Variants in SAMMSON observed in about 807,000 individuals in gnomAD.
SAMMSON encodes survival associated mitochondrial melanoma specific oncogenic non-coding RNA.
intron 9 of SAMMSON, among the ~76,000 whole-genome samples, chr3:70,368,749 C>CA (rs1702940904): frequency 6.6e-6 from 1 of 151,588 alleles, no homozygotes; most frequent in Non-Finnish European, 1.5e-5. Context: ...TCACCAACAC[C>CA]ACACTGTCTT....
intron 7 of SAMMSON, among the ~76,000 whole-genome samples, chr3:70,326,100 T>C (rs1702579175): frequency 6.6e-6 from 1 of 152,098 alleles, no homozygotes; most frequent in Non-Finnish European, 1.5e-5. Flanking sequence ...CTTTGGGGAA[T>C]TTCTATTCTC....
intron 3 of SAMMSON, among the ~76,000 whole-genome samples, chr3:70,017,434 G>T (rs2066990984): frequency 2.0e-5 from 3 of 152,166 alleles, no homozygotes; most frequent in South Asian, 4.2e-4. Flanking sequence ...CATTGAATTT[G>T]TATCCTGAGA....
chr3:70,411,786 G>A (rs1701221542), intron 2 of SAMMSON, among the ~76,000 whole-genome samples: 1 of 152,154 alleles, frequency 6.6e-6, no homozygotes, highest in Admixed American at 6.5e-5. Flanking sequence ...TGCTATGATT[G>A]TGAGGTCTCC....
chr3:70,406,360 TAGGTTTTA>T (rs1701177815), intron 2 of SAMMSON, among the ~76,000 whole-genome samples: 1 of 152,216 alleles, frequency 6.6e-6, no homozygotes, highest in Non-Finnish European at 1.5e-5. Flanking sequence ...GAAAGTACTA[TAGGTTTTA>T]GACAAAATCT....
intron 4 of SAMMSON, among the ~76,000 whole-genome samples, chr3:70,231,351 C>T (rs1056257398): frequency 2.6e-5 from 4 of 152,330 alleles, no homozygotes; most frequent in South Asian, 4.1e-4. Context: ...CGCCATCTCT[C>T]TCTGGGATCA....
intron 4 of SAMMSON, among the ~76,000 whole-genome samples, chr3:70,093,634 G>A (rs551663919): frequency 2.0e-5 from 3 of 152,194 alleles, no homozygotes; most frequent in Non-Finnish European, 1.5e-5. Context: ...ACAAGGGTGG[G>A]GTTTGGGTAT....
At chr3:70,183,354 C>G (rs1290765585) in intron 4 of SAMMSON, 1 of 152,082 alleles carries the variant, frequency 6.6e-6, no homozygotes, top group South Asian at 2.1e-4. Flanking sequence ...CTCAGTGGCT[C>G]GTGTGGAATG....
intron 4 of SAMMSON, among the ~76,000 whole-genome samples, chr3:70,185,195 G>A (rs904217683): frequency 2.0e-5 from 3 of 152,144 alleles, no homozygotes; most frequent in African/African-American, 2.4e-5. Flanking sequence ...ACAGAACACG[G>A]ATCTACTCCC....
chr3:70,420,199 C>T (rs1442217022), intron 2 of SAMMSON, among the ~76,000 whole-genome samples: 1 of 152,102 alleles, frequency 6.6e-6, no homozygotes, highest in Non-Finnish European at 1.5e-5. Context: ...CTCTTAGGTA[C>T]CTGGTGGGTT....
intron 6 of SAMMSON, among the ~76,000 whole-genome samples, chr3:70,281,333 C>T (rs1341841019): frequency 6.6e-6 from 1 of 152,130 alleles, no homozygotes; most frequent in Non-Finnish European, 1.5e-5. Context: ...TGATCTTATC[C>T]ATTCTCTCTC....
chr3:70,094,308 T>C (rs902710), intron 4 of SAMMSON, among the ~76,000 whole-genome samples: 20,121 of 152,144 alleles, frequency 0.13, 1,762 homozygotes, highest in African/African-American at 0.24. Flanking sequence ...ACATCTATTA[T>C]TGACTCCTTC....
At chr3:70,149,409 T>C (rs2067562542) in intron 4 of SAMMSON, among the ~76,000 whole-genome samples, 1 of 152,054 alleles carries the variant, frequency 6.6e-6, no homozygotes, top group South Asian at 2.1e-4. Flanking sequence ...TGTTTGAGCC[T>C]GTGGTTCTTA....
chr3:70,008,197 C>T (rs1379235005), intron 1 of SAMMSON, among the ~76,000 whole-genome samples: 1 of 152,096 alleles, frequency 6.6e-6, no homozygotes, highest in African/African-American at 2.4e-5. Flanking sequence ...TCATCGGTAG[C>T]TTGATGGGGA....
chr3:70,139,937 C>A (rs149855969), intron 4 of SAMMSON, among the ~76,000 whole-genome samples: 2 of 152,272 alleles, frequency 1.3e-5, no homozygotes, highest in African/African-American at 4.8e-5. Flanking sequence ...TTTGGTCACA[C>A]CCTTCATGTT....
Position 70,302,482 on chromosome 3 carries a change from C to T in SAMMSON, n.739+11239C>T, listed in dbSNP as rs190702355. 2.6e-5 allele frequency: 4 copies of T among 152,160 alleles called. No individual in the cohort carries two copies. In the East Asian group the frequency reaches 7.7e-4, roughly 29 times the overall value. The allele number at this position is 152,160 out of a possible 1,614,324, so 9.4% of individuals were successfully genotyped here. A position where few individuals can be genotyped will look rare whatever the true frequency, so the allele number is the denominator to read the frequency against. On this transcript the variant is annotated intron_variant and non_coding_transcript_variant, in intron 7 of 9. Coordinates refer to ENST00000642114, the Ensembl canonical transcript of SAMMSON. ...TCTCACTATAAGACTGCTCTTTATA[C>T]TAATGTTGATTAAGTGTATCACATC...
chr3:70,416,114 A>T (rs1701262657), intron 2 of SAMMSON, among the ~76,000 whole-genome samples: 1 of 152,220 alleles, frequency 6.6e-6, no homozygotes, highest in Non-Finnish European at 1.5e-5. Flanking sequence ...CATTGGGACA[A>T]TCATAAAATT....
At chr3:70,176,589 A>G (rs1190082061) in intron 4 of SAMMSON, among the ~76,000 whole-genome samples, 1 of 152,202 alleles carries the variant, frequency 6.6e-6, no homozygotes, top group Non-Finnish European at 1.5e-5. Flanking sequence ...AAGCTTTCAT[A>G]TCTGACCCCT....
At chr3:70,112,109 A>C (rs769617018) in intron 4 of SAMMSON, among the ~76,000 whole-genome samples, 6 of 152,180 alleles carry the variant, frequency 3.9e-5, no homozygotes, top group Non-Finnish European at 8.8e-5. Flanking sequence ...AAGCAGGGTA[A>C]GCAAAAATAA....
At chr3:70,365,499 T>C (rs548742419) in intron 9 of SAMMSON, among the ~76,000 whole-genome samples, 1 of 151,928 alleles carries the variant, frequency 6.6e-6, no homozygotes, top group African/African-American at 2.4e-5. Context: ...ACCACATGTA[T>C]TATCAGAGCC....
Sources: allele counts gnomAD v4.1 joint callset (sites outside exome capture counted in the v4.1 genomes callset), GRCh38; gene constraint gnomAD v4.1.1; transcripts MANE v1.5; gene names NCBI Gene and HGNC (gene_info 2026-07-23, HGNC 2026-07-21).